ZNF804B: variants seen among roughly 807,000 people sequenced by gnomAD.
ZNF804B encodes zinc finger protein 804B, also known as zinc finger 804B.
A neutral mutation model predicts 101.4 loss-of-function variants in ZNF804B; 80 were observed. The observed-to-expected ratio is 0.79, with a 90% CI of 0.66 to 0.95. The LOEUF (loss-of-function observed/expected upper bound fraction) is 0.95, where lower values mean the gene tolerates loss of function less well. Ranked by LOEUF, ZNF804B falls within the 40% of genes least tolerant of loss-of-function variation. ZNF804B has a pLI of 0.00. For missense variants in ZNF804B, 1,673 were observed against 1,561.9 expected, an observed-to-expected ratio of 1.07 and a Z score of -1.20; for synonymous variants, 622 against 558.8, an observed-to-expected ratio of 1.11 and a Z score of -1.59.
In ZNF804B at chr7:89,045,230, C is replaced by T. The variant is rs892118016; in HGVS notation, c.109-172925C>T. Reference sequence around the variant, plus strand: ...AAGAATTGATGTTTGGGAACCTCCACCTAGATTTCAGACGACGTATGGAAA... The same window carrying T: ...AAGAATTGATGTTTGGGAACCTCCATCTAGATTTCAGACGACGTATGGAAA... On this transcript the variant is annotated intron_variant, in intron 1 of 3. Transcript: ENST00000333190. Among the ~76,000 whole-genome samples, 7 of 152,218 alleles carry T rather than the reference C, an allele frequency of 4.6e-5. No individual in the cohort carries two copies. In the East Asian group the frequency reaches 7.7e-4, roughly 17 times the overall value.
At chr7:88,902,165 C>A (rs187192195) in intron 1 of ZNF804B, among the ~76,000 whole-genome samples, 40 of 152,028 alleles carry the variant, frequency 2.6e-4, no homozygotes, top group African/African-American at 9.6e-4. Context: ...AGCCACATAC[C>A]TCATACATTG....
chr7:88,962,925 A>G (rs1793409038), intron 1 of ZNF804B, among the ~76,000 whole-genome samples: 1 of 150,738 alleles, frequency 6.6e-6, no homozygotes, highest in Non-Finnish European at 1.5e-5. Context: ...GTATTTTCAT[A>G]ACATCACACA....
At chr7:89,323,075 T>C (rs1790844225) in intron 2 of ZNF804B, among the ~76,000 whole-genome samples, 1 of 152,176 alleles carries the variant, frequency 6.6e-6, no homozygotes, top group South Asian at 2.1e-4. Flanking sequence ...CCCTTACAAA[T>C]AAGACAAGAG....
chr7:88,782,521 T>C (rs1790245063), intron 1 of ZNF804B, among the ~76,000 whole-genome samples: 1 of 152,102 alleles, frequency 6.6e-6, no homozygotes, highest in African/African-American at 2.4e-5. Context: ...ATAATTATAT[T>C]TCAAATATGC....
intron 2 of ZNF804B, among the ~76,000 whole-genome samples, chr7:89,258,617 A>G (rs1789669393): frequency 6.6e-6 from 1 of 152,194 alleles, no homozygotes; most frequent in Non-Finnish European, 1.5e-5. Flanking sequence ...CCTCTCTTCC[A>G]GTCAGACATC....
rs1228952038 is a variant in ZNF804B at position 89,335,566 on chromosome 7, A to T, written c.2584A>T (p.Met862Leu). 1.2e-6 allele frequency: 2 copies of T among 1,613,934 alleles called. No homozygotes were observed. The highest frequency in any genetic ancestry group is 1.7e-6 in the Non-Finnish European group (2 of 1,179,946). The change falls in exon 4 of 4, where the codon ATG (methionine) becomes TTG (leucine). Residue 862 changes from methionine to leucine, a missense_variant. Met to Leu is a conservative substitution (Grantham distance 15, BLOSUM62 2). Coordinates refer to ENST00000333190, the MANE Select transcript of ZNF804B (RefSeq NM_181646.5). ...ATTGGACTCTTACTCAATAGAGAAA[A>T]TGTATTACTTGAATAAAAGCAAGAG... Reference protein sequence around the residue: ...DRLDSYSIEKMYYLNKSKRNQ... With the variant: ...DRLDSYSIEKLYYLNKSKRNQ...
chr7:89,044,229 T>A (rs760698643), intron 1 of ZNF804B, among the ~76,000 whole-genome samples: 9 of 152,158 alleles, frequency 5.9e-5, no homozygotes, highest in Non-Finnish European at 1.3e-4. Flanking sequence ...CACTTCTTCC[T>A]GCCATCATGT....
intron 1 of ZNF804B, among the ~76,000 whole-genome samples, chr7:89,036,896 A>C (rs1383345966): frequency 6.6e-6 from 1 of 152,160 alleles, no homozygotes; most frequent in African/African-American, 2.4e-5. Context: ...GACAATAAAC[A>C]GTCAGAGTTG....
chr7:88,845,301 G>GCGCACGCGCACACACACACA (rs1554339289), intron 1 of ZNF804B, among the ~76,000 whole-genome samples: 2 of 149,920 alleles, frequency 1.3e-5, no homozygotes, highest in Non-Finnish European at 3.0e-5. Flanking sequence ...GCACGCGCGC[G>GCGCACGCGCACACACACACA]CACACACACA....
Position 89,327,454 on chromosome 7 carries a change from G to A in ZNF804B, c.360G>A (p.Glu120=). 2 of 1,610,972 alleles carry A rather than the reference G, an allele frequency of 1.2e-6. No homozygotes were observed. Residue 120 remains glutamate, a synonymous_variant, in exon 3 of 4, where the codon GAG becomes GAA. Coordinates refer to ENST00000333190, the MANE Select transcript of ZNF804B (RefSeq NM_181646.5). ...KALKRLHQLA[E]LRQQSECVSG... ...TTAAACGACTTCATCAGCTGGCTGA[G>A]TTAAGGCAGCAATCTGAATGGTAAG...
At chr7:88,874,674 G>A (rs1223470594) in intron 1 of ZNF804B, among the ~76,000 whole-genome samples, 1 of 151,966 alleles carries the variant, frequency 6.6e-6, no homozygotes, top group Non-Finnish European at 1.5e-5. Context: ...AGAGTTTTTA[G>A]CATGAAGGGC....
At chr7:88,930,716 A>C (rs1472065609) in intron 1 of ZNF804B, among the ~76,000 whole-genome samples, 1 of 151,928 alleles carries the variant, frequency 6.6e-6, no homozygotes, top group South Asian at 2.1e-4. Context: ...GGGTTCTTCA[A>C]GACAGCGTTC....
intron 1 of ZNF804B, among the ~76,000 whole-genome samples, chr7:88,797,515 C>A (rs899706102): frequency 2.0e-5 from 3 of 152,158 alleles, no homozygotes; most frequent in African/African-American, 7.2e-5. Context: ...GTATTTATTT[C>A]CAATTTCCAG....
intron 1 of ZNF804B, among the ~76,000 whole-genome samples, chr7:88,962,708 C>CATATATATATATAT (rs71120046): frequency 4.2e-4 from 35 of 84,158 alleles, no homozygotes; most frequent in Non-Finnish European, 5.3e-4. Flanking sequence ...GTTAAACTCA[C>CATATATATATATAT]ATATATATAT....
chr7:89,210,425 C>T (rs993323274), intron 1 of ZNF804B, among the ~76,000 whole-genome samples: 1 of 152,086 alleles, frequency 6.6e-6, no homozygotes, highest in Non-Finnish European at 1.5e-5. Flanking sequence ...TGGTTTGCTG[C>T]ACCTATTAAC....
At chr7:89,033,931 CTT>C (rs1047298984) in intron 1 of ZNF804B, among the ~76,000 whole-genome samples, 1 of 151,892 alleles carries the variant, frequency 6.6e-6, no homozygotes, top group Admixed American at 6.6e-5. Context: ...TTTTTCATAA[CTT>C]TTATTATTAG....
At chr7:89,171,359 C>CTTCTTCTTCTTCTTCTTCTTCT (rs1562904583) in intron 1 of ZNF804B, among the ~76,000 whole-genome samples, 1 of 66,922 alleles carries the variant, frequency 1.5e-5, no homozygotes, top group East Asian at 3.4e-4. Context: ...CTTCTTCTTC[C>CTTCTTCTTCTTCTTCTTCTTCT]TCCTCTTCCT....
chr7:89,236,092 G>A (rs1415150855), intron 2 of ZNF804B, among the ~76,000 whole-genome samples: 1 of 152,022 alleles, frequency 6.6e-6, no homozygotes, highest in Non-Finnish European at 1.5e-5. Context: ...AATGACCTCA[G>A]CAGGTAAATT....
At chr7:89,149,042 T>G (rs1267109132) in intron 1 of ZNF804B, among the ~76,000 whole-genome samples, 1 of 151,962 alleles carries the variant, frequency 6.6e-6, no homozygotes, top group Non-Finnish European at 1.5e-5. Context: ...GCTCCTTATC[T>G]TGTCACTCAA....
Sources: allele counts gnomAD v4.1 joint callset (sites outside exome capture counted in the v4.1 genomes callset), GRCh38; gene constraint gnomAD v4.1.1; transcripts MANE v1.5; gene names NCBI Gene and HGNC (gene_info 2026-07-23, HGNC 2026-07-21).